GPHN: variants seen among roughly 807,000 people sequenced by gnomAD.
The protein encoded by GPHN is gephyrin.
Under a neutral mutation model 95.5 loss-of-function variants are expected in GPHN, and 17 were observed. The observed-to-expected ratio is 0.18, with a 90% CI of 0.12 to 0.27. The LOEUF (loss-of-function observed/expected upper bound fraction) is 0.27. Ranked by LOEUF, GPHN falls within the 10% of genes least tolerant of loss-of-function variation. The pLI, the probability that GPHN is intolerant of heterozygous loss-of-function variation, is 1.00. For missense variants in GPHN, 660 were observed against 978.1 expected, an observed-to-expected ratio of 0.67 and a Z score of 4.34; for synonymous variants, 320 against 322.5, an observed-to-expected ratio of 0.99 and a Z score of 0.08.
intron 1 of GPHN, among the ~76,000 whole-genome samples, chr14:66,591,548 C>G (rs1326994598): frequency 2.0e-5 from 3 of 152,116 alleles, no homozygotes; most frequent in African/African-American, 7.2e-5. Flanking sequence ...AGTGAACTCC[C>G]ATTCACAATT....
At chr14:67,022,569 G>GTTTTTTTTTTTTTTTTTTTTT (rs2073704985) in intron 9 of GPHN, among the ~76,000 whole-genome samples, 1 of 25,664 alleles carries the variant, frequency 3.9e-5, no homozygotes. Flanking sequence ...TTTTTTTTTG[G>GTTTTTTTTTTTTTTTTTTTTT]TGTGTGTGTG....
At chr14:67,679,244 T>C in the GPHN span, among the ~76,000 whole-genome samples, 59 of 152,270 alleles carry the variant, frequency 3.9e-4, no homozygotes, top group South Asian at 5.4e-3. Flanking sequence ...AAACCATTCA[T>C]GAGGGCTGCC....
chr14:67,642,045 C>T, the GPHN span: 1 of 838,774 alleles, frequency 1.2e-6, no homozygotes, highest in South Asian at 1.8e-5. Context: ...AATCTTCCCA[C>T]AATCATTTGA....
intron 9 of GPHN, among the ~76,000 whole-genome samples, chr14:67,019,908 A>G (rs781291379): frequency 6.6e-6 from 1 of 152,196 alleles, no homozygotes; most frequent in Non-Finnish European, 1.5e-5. Flanking sequence ...GACCACTGCT[A>G]CGCTTTCGTG....
the GPHN span, among the ~76,000 whole-genome samples, chr14:67,521,905 G>A: frequency 5.3e-4 from 81 of 152,322 alleles, 1 homozygote; most frequent in African/African-American, 1.7e-3. Flanking sequence ...AGCCGGGCAC[G>A]GTGGCTCATG....
the GPHN span, among the ~76,000 whole-genome samples, chr14:67,554,422 G>A: frequency 6.6e-6 from 1 of 152,164 alleles, no homozygotes; most frequent in Non-Finnish European, 1.5e-5. Context: ...GAAGTGAGGG[G>A]CACTGGGCCT....
chr14:66,617,806 T>A (rs1002586367), intron 1 of GPHN, among the ~76,000 whole-genome samples: 22 of 152,226 alleles, frequency 1.4e-4, no homozygotes, highest in Admixed American at 4.6e-4. Flanking sequence ...TGTAGTGAAT[T>A]ACATTGATTG....
chr14:67,302,039 G>T, the GPHN span: 1 of 1,610,760 alleles, frequency 6.2e-7, no homozygotes, highest in Non-Finnish European at 8.5e-7. Context: ...ACAGATGAGA[G>T]AGTTTATGAA....
At chr14:67,575,574 C>A in the GPHN span, 1 of 802,958 alleles carries the variant, frequency 1.2e-6, no homozygotes, top group Non-Finnish European at 2.2e-6. Flanking sequence ...CGTAACCCCA[C>A]AATAAATACA....
At chr14:66,959,138 C>T (rs2068729224) in intron 8 of GPHN, among the ~76,000 whole-genome samples, 2 of 152,028 alleles carry the variant, frequency 1.3e-5, no homozygotes, top group African/African-American at 4.8e-5. Context: ...CATAAATTAC[C>T]TATCAATATA....
intron 1 of GPHN, among the ~76,000 whole-genome samples, chr14:66,543,113 A>AGG (rs571822116): frequency 1.3e-5 from 2 of 152,150 alleles, no homozygotes; most frequent in Non-Finnish European, 2.9e-5. Context: ...TACAGTACCA[A>AGG]GGGGGGTTGG....
chr14:67,283,691 T>A, the GPHN span, among the ~76,000 whole-genome samples: 1 of 152,090 alleles, frequency 6.6e-6, no homozygotes, highest in Admixed American at 6.6e-5. Flanking sequence ...AATTCTGTGA[T>A]TTAGTCAGGT....
chr14:67,208,932 C>T, the GPHN span, among the ~76,000 whole-genome samples: 44 of 147,448 alleles, frequency 3.0e-4, no homozygotes, highest in Non-Finnish European at 5.2e-4. Context: ...AAAAGAAGCA[C>T]GGAAAAAGCA....
At chr14:67,295,109 G>C in the GPHN span, 6 of 142,106 alleles carry the variant, frequency 4.2e-5, no homozygotes, top group African/African-American at 8.3e-5. Flanking sequence ...ATTGAAGTGT[G>C]TGTGTGTGTG....
the GPHN span, chr14:67,579,113 T>A: frequency 6.8e-7 from 1 of 1,476,316 alleles, no homozygotes; most frequent in Non-Finnish European, 9.1e-7. Context: ...CCCATAATAC[T>A]CCCCTCTTCC....
chr14:67,182,221 C>T (rs549415452), downstream of GPHN, among the ~76,000 whole-genome samples: 4 of 152,114 alleles, frequency 2.6e-5, no homozygotes, highest in East Asian at 3.9e-4. Flanking sequence ...AATTTTTAAC[C>T]GTGTTAGAAA....
At chr14:67,444,768 T>G in the GPHN span, among the ~76,000 whole-genome samples, 3 of 151,992 alleles carry the variant, frequency 2.0e-5, no homozygotes, top group African/African-American at 4.8e-5. Context: ...AAACTCTTTT[T>G]TGTGTGTGTG....
chr14:67,439,586 T>TTTTC, the GPHN span, among the ~76,000 whole-genome samples: 1 of 139,536 alleles, frequency 7.2e-6, no homozygotes, highest in Non-Finnish European at 1.5e-5. Flanking sequence ...TCTTTCTTTC[T>TTTTC]TTCTTTCTTC....
the GPHN span, among the ~76,000 whole-genome samples, chr14:67,192,757 A>C: frequency 6.7e-6 from 1 of 149,562 alleles, no homozygotes; most frequent in Non-Finnish European, 1.5e-5. Flanking sequence ...TATATATTAC[A>C]CATATTTTAA....
Sources: allele counts gnomAD v4.1 joint callset (sites outside exome capture counted in the v4.1 genomes callset), GRCh38; gene constraint gnomAD v4.1.1; transcripts MANE v1.5; gene names NCBI Gene and HGNC (gene_info 2026-07-23, HGNC 2026-07-21).